Variants in RUNDC3A observed in about 807,000 individuals in gnomAD.
RUNDC3A encodes the protein RUN domain containing 3A, also known as RUN domain-containing protein 3A.
RUNDC3A carries 28 observed loss-of-function variants against 53.9 expected under a neutral mutation model. The observed-to-expected ratio is 0.52, with a 90% CI of 0.38 to 0.71. The LOEUF (loss-of-function observed/expected upper bound fraction) is 0.71. RUNDC3A is among the 30% of genes least tolerant of loss of function. The pLI is 0.00. For synonymous variants in RUNDC3A, 232 were observed against 249.4 expected, an observed-to-expected ratio of 0.93 and a Z score of 0.66; for missense variants, 491 against 597.3, an observed-to-expected ratio of 0.82 and a Z score of 1.85.
At position 44,316,717 on chromosome 17, in the gene RUNDC3A, G is replaced by T; in HGVS notation, c.1190G>T (p.Gly397Val). The T allele has an allele frequency of 2.6e-6, 4 of 1,548,100 alleles. No homozygotes were observed. Among genetic ancestry groups the T allele is most frequent in the East Asian group, 2.4e-5 (1 of 40,908 alleles). ...GEGTRDEEPW[G>V]PIGKDPTPSM... The stretch of plus-strand genomic sequence containing the variant: ...GGCACGCGGGACGAGGAGCCCTGGG[G>T]TCCCATCGGTGAGCTCCCCCAACCC... The change falls in exon 10 of 11, where the codon GGT becomes GTT. Residue 397 changes from glycine to valine, a missense_variant. By Grantham distance (109) the Gly-to-Val change is moderately radical. This residue lies in a region of RUNDC3A where 218 missense variants were observed against 208.2 expected (regional missense o/e 1.05). Transcript: ENST00000426726.
Position 44,308,934 on chromosome 17 carries a change from G to A in RUNDC3A, c.102G>A (p.Val34=). 1 of 1,604,902 alleles carries A rather than the reference G, an allele frequency of 6.2e-7. No individual in the cohort carries two copies. The highest frequency in any genetic ancestry group is 8.5e-7 in the Non-Finnish European group (1 of 1,175,066). ...VAVERKNLIT[V]CRFSVKTLLE... is the part of the protein sequence containing the mutation. ...TGGAGCGTAAGAACCTGATCACCGT[G>A]TGCAGGTGGGCACCGCTAGTGGGCG... Residue 34 remains valine, a synonymous_variant, in exon 1 of 11, where the codon GTG becomes GTA. Coordinates refer to ENST00000426726, the MANE Select transcript of RUNDC3A (RefSeq NM_001144825.2).
chr17:44,309,462 C>G (rs960825743), intron 1 of RUNDC3A, among the ~76,000 whole-genome samples: 1 of 152,170 alleles, frequency 6.6e-6, no homozygotes, highest in Non-Finnish European at 1.5e-5. Flanking sequence ...GGGCACCACC[C>G]AAGACGTGGG....
chr17:44,318,036 C>A, intron 10 of RUNDC3A, 60 bp from the exon 11 acceptor site: 1 of 1,511,676 alleles, frequency 6.6e-7, no homozygotes, highest in Non-Finnish European at 9.0e-7. Context: ...CTGCCCACCC[C>A]TCTACCAACT....
chr17:44,308,671 G>C lies in RUNDC3A; in HGVS notation c.-162G>C, dbSNP rs1374678052. 1 of 468,072 alleles carries C rather than the reference G, an allele frequency of 2.1e-6. No individual in the cohort carries two copies. The highest frequency in any genetic ancestry group is 3.8e-6 in the Non-Finnish European group (1 of 266,394). 29.0% of individuals were successfully genotyped at this position (468,072 alleles called of 1,614,324 possible). A position where few individuals can be genotyped will look rare whatever the true frequency, so the allele number is the denominator to read the frequency against. Reference sequence around the variant, plus strand: ...GCTCTGGCATCGCCGCCGGGGGAGGGAGCGAGGGGGCCGGGCACCGGGCGC... The same window carrying C: ...GCTCTGGCATCGCCGCCGGGGGAGGCAGCGAGGGGGCCGGGCACCGGGCGC... On this transcript the variant is annotated 5_prime_UTR_variant, in exon 1 of 11. Coordinates refer to ENST00000426726, the MANE Select transcript of RUNDC3A (RefSeq NM_001144825.2).
rs2047871276 is a variant in RUNDC3A, at chr17:44,316,697, G to A, written c.1170G>A (p.Thr390=). 3 of 1,549,658 alleles carry A rather than the reference G, an allele frequency of 1.9e-6. No homozygotes were observed. Among genetic ancestry groups the A allele is most frequent in the Non-Finnish European group, 2.6e-6 (3 of 1,146,882 alleles). ...SSDSQRLGEG[T]RDEEPWGPIG... ...ACTCCCAGCGCCTGGGAGAGGGCAC[G>A]CGGGACGAGGAGCCCTGGGGTCCCA... Residue 390 remains threonine (T), a synonymous_variant, in exon 10 of 11, where the codon ACG becomes ACA. Coordinates refer to ENST00000426726, the MANE Select transcript of RUNDC3A (RefSeq NM_001144825.2).
chr17:44,314,957 G>C lies in RUNDC3A; in HGVS notation c.577G>C (p.Gly193Arg). Residue 193 changes from glycine to arginine, a missense_variant, in exon 6 of 11, where the codon GGG (glycine) becomes CGG (arginine). This residue lies in a region of RUNDC3A where 273 missense variants were observed against 389.0 expected (regional missense o/e 0.70). Coordinates refer to ENST00000426726, the MANE Select transcript of RUNDC3A (RefSeq NM_001144825.2). Reference protein sequence around the residue: ...SFCLKGEVLDGKTPVVIDYTP... With the variant: ...SFCLKGEVLDRKTPVVIDYTP... ...CTGTCTAAAGGGGGAAGTCCTGGAC[G>C]GGAAGACCCCCGTGGTCATCGATTA... 6.2e-7 allele frequency: 1 copy of C among 1,614,000 alleles called. No individual in the cohort carries two copies.
rs2047772319 is a variant in RUNDC3A at position 44,312,705 on chromosome 17, G to A, written c.223+10G>A. Reference sequence around the variant, plus strand: ...AGCCACCGCTTCAAAGGTGGGCCCAGCGCCCCTCCCCCAGCGGTCCCTCCC... The same window carrying A: ...AGCCACCGCTTCAAAGGTGGGCCCAACGCCCCTCCCCCAGCGGTCCCTCCC... On this transcript the variant is annotated intron_variant, in intron 2 of 10. Transcript: ENST00000426726. 1.4e-6 allele frequency: 2 copies of A among 1,469,054 alleles called. No individual in the cohort carries two copies. The highest frequency in any genetic ancestry group is 2.8e-5 in the African/African-American group (2 of 71,172). The allele number at this position is 1,469,054 out of a possible 1,614,324, so 91.0% of individuals were successfully genotyped here.
chr17:44,315,304 T>A lies in RUNDC3A; in HGVS notation c.779T>A (p.Ile260Asn), dbSNP rs759363165. The A allele has an allele frequency of 1.3e-6, 2 of 1,517,964 alleles. No homozygotes were observed. Among genetic ancestry groups the A allele is most frequent in the South Asian group, 2.5e-5 (2 of 80,774 alleles). 94.0% of individuals were successfully genotyped at this position (1,517,964 alleles called of 1,614,324 possible). A position where few individuals can be genotyped will look rare whatever the true frequency, so the allele number is the denominator to read the frequency against. Reference protein sequence around the residue: ...KWHKMEQKFRIVYAQKGYLEE... With the variant: ...KWHKMEQKFRNVYAQKGYLEE... ...CACAAGATGGAGCAGAAGTTCCGCA[T>A]CGTCTACGCGCAGAAGGTGCGCGAC... The change falls in exon 7 of 11, where the codon ATC becomes AAC. Residue 260 changes from isoleucine (I) to asparagine (N), a missense_variant. Transcript: ENST00000426726. This position sits in a 1 kb window ranked among gnomAD's most constrained non-coding sequence, Gnocchi z 6.1.
At position 44,314,910 on chromosome 17, in the gene RUNDC3A, T is replaced by C; in HGVS notation, c.549-19T>C. On this transcript the variant is annotated intron_variant, in intron 5 of 10. Coordinates refer to ENST00000426726, the MANE Select transcript of RUNDC3A (RefSeq NM_001144825.2). ...AACCCCTCACACCCACCTCCAACCC[T>C]GTGGCTCCTCTGCCTCAGCTTCTGT... 1 of 1,613,964 alleles carries C rather than the reference T, an allele frequency of 6.2e-7. No individual in the cohort carries two copies. The highest frequency in any genetic ancestry group is 1.3e-5 in the African/African-American group (1 of 75,046).
rs2144696820 is a variant in RUNDC3A, at chr17:44,316,637, G to GGAGCC, written c.1112_1116dup (p.Leu373SerfsTer9). On this transcript the variant is annotated frameshift_variant, in exon 10 of 11. Transcript: ENST00000426726. LOFTEE classifies it high-confidence loss of function. The stretch of plus-strand genomic sequence containing the variant: ...GCCGCAGACACAGCTTCATGAGCAC[G>GGAGCC]GAGCCGCTGTCAGCTGAAGCCAGTC... 6.4e-7 allele frequency: 1 copy of GGAGCC among 1,551,154 alleles called. No individual in the cohort carries two copies. Among genetic ancestry groups the GGAGCC allele is most frequent in the East Asian group, 2.4e-5 (1 of 40,924 alleles).
intron 1 of RUNDC3A, among the ~76,000 whole-genome samples, chr17:44,311,956 G>A (rs1394280814): frequency 6.6e-6 from 1 of 152,118 alleles, no homozygotes; most frequent in East Asian, 1.9e-4. Context: ...GCCTGGTTCT[G>A]GGCAGCTGGT....
chr17:44,311,125 C>T (rs1174348999), intron 1 of RUNDC3A: 4 of 985,484 alleles, frequency 4.1e-6, no homozygotes, highest in Non-Finnish European at 4.8e-6. Flanking sequence ...CTGCCTCCCT[C>T]TAGTGCAACC....
chr17:44,314,724 C>T lies in RUNDC3A; in HGVS notation c.459-11C>T, dbSNP rs1295476369. ...GCCTGCTGCATCCTCTGGCCCTCTG[C>T]CTCCCCACAGACGGTTCTATGACTC... On this transcript the variant is annotated splice_polypyrimidine_tract_variant and intron_variant, in intron 4 of 10. Coordinates refer to ENST00000426726, the MANE Select transcript of RUNDC3A (RefSeq NM_001144825.2). 2 of 1,601,444 alleles carry T rather than the reference C, an allele frequency of 1.2e-6. No homozygotes were observed. The highest frequency in any genetic ancestry group is 2.7e-5 in the African/African-American group (2 of 74,016).
chr17:44,316,563 C>A, intron 9 of RUNDC3A, 41 bp downstream of exon 9: 1 of 1,590,276 alleles, frequency 6.3e-7, no homozygotes, highest in South Asian at 1.1e-5. Context: ...GAGAGCGGGT[C>A]GTCCTGGGGA....
At chr17:44,314,690 GCT>G in intron 4 of RUNDC3A, 43 bp from the exon 5 acceptor site, 6 of 1,165,802 alleles carry the variant, frequency 5.1e-6, no homozygotes, top group Non-Finnish European at 5.8e-6. Context: ...GGGGGGGGGC[GCT>G]CCAGGGGCCT....
chr17:44,312,484 A>C, intron 1 of RUNDC3A, 96 bp from the exon 2 acceptor site: 1 of 693,000 alleles, frequency 1.4e-6, no homozygotes, highest in East Asian at 2.8e-5. Flanking sequence ...GCCCTTCCTG[A>C]CCTTTCTTCT....
Position 44,315,548 on chromosome 17 carries a change from G to A in RUNDC3A, c.892G>A (p.Ala298Thr), listed in dbSNP as rs2047844919. 1 of 1,515,438 alleles carries A rather than the reference G, an allele frequency of 6.6e-7. No individual in the cohort carries two copies. 93.9% of individuals were successfully genotyped at this position (1,515,438 alleles called of 1,614,324 possible). Residue 298 changes from alanine (A) to threonine (T), a missense_variant, in exon 8 of 11, where the codon GCG (alanine) becomes ACG (threonine). Ala to Thr is a moderately conservative substitution (Grantham distance 58). Transcript: ENST00000426726. The surrounding 1 kb of genome is among the most constrained non-coding windows in gnomAD (Gnocchi z 6.1). ...TCAGCTGCAGCTGGAGGAGGCGGCGGCGCAGAACCAGCGCGAGAAACGGGA... is the reference window on the plus strand; with the variant it reads ...TCAGCTGCAGCTGGAGGAGGCGGCGACGCAGAACCAGCGCGAGAAACGGGA... ...RLQLQLEEAAAQNQREKRELE... is the reference protein window; with the variant it reads ...RLQLQLEEAATQNQREKRELE...
At chr17:44,311,225 G>A (rs562964826) in intron 1 of RUNDC3A, 5 of 985,616 alleles carry the variant, frequency 5.1e-6, no homozygotes, top group Middle Eastern at 5.2e-4. Flanking sequence ...ATTGGCCTGA[G>A]AGCCTCAGAG....
chr17:44,311,120 T>C, intron 1 of RUNDC3A: 1 of 985,568 alleles, frequency 1.0e-6, no homozygotes, highest in African/African-American at 1.7e-5. Context: ...GCAGGCTGCC[T>C]CCCTCTAGTG....
Sources: allele counts gnomAD v4.1 joint callset (sites outside exome capture counted in the v4.1 genomes callset), GRCh38; gene constraint gnomAD v4.1.1; regional missense constraint gnomAD v4.1.1; non-coding constraint Gnocchi (gnomAD v3.1); transcripts MANE v1.5; gene names NCBI Gene and HGNC (gene_info 2026-07-23, HGNC 2026-07-21).